The following CSMD1 variants were observed in gnomAD, a reference collection of about 807,000 sequenced individuals.
The protein encoded by CSMD1 is CUB and Sushi multiple domains 1.
CSMD1 carries 213 observed loss-of-function variants against 417.5 expected under a neutral mutation model. That is an observed-to-expected ratio of 0.51 (90% CI 0.46 to 0.57). The LOEUF (loss-of-function observed/expected upper bound fraction) is 0.57, where lower values mean the gene tolerates loss of function less well. Among genes scored for constraint, CSMD1 ranks in the 20% least tolerant of loss-of-function variants. The pLI is 0.00. For missense variants in CSMD1, 6,923 were observed against 4,529.7 expected (o/e 1.53, Z -15.17); for synonymous variants, 2,862 against 1,736.8 (o/e 1.65, Z -16.11).
chr8:4,668,276 T>A (rs781236064), intron 1 of CSMD1, among the ~76,000 whole-genome samples: 1 of 151,962 alleles, frequency 6.6e-6, no homozygotes, highest in Non-Finnish European at 1.5e-5. Flanking sequence ...CTCATCCACG[T>A]TTGTAGGCTT....
chr8:4,093,810 AAG>A (rs1165257339), intron 3 of CSMD1, among the ~76,000 whole-genome samples: 2 of 152,044 alleles, frequency 1.3e-5, no homozygotes, highest in African/African-American at 4.8e-5. Context: ...AAAATACAAA[AAG>A]TAGCTGGGTG....
At chr8:3,588,996 C>T (rs764841311) in intron 8 of CSMD1, among the ~76,000 whole-genome samples, 1 of 152,188 alleles carries the variant, frequency 6.6e-6, no homozygotes, top group Non-Finnish European at 1.5e-5. Flanking sequence ...TGTCACTAAT[C>T]ATCAGGGAAA....
chr8:3,266,754 G>A (rs1426785874), intron 26 of CSMD1, among the ~76,000 whole-genome samples: 7 of 147,522 alleles, frequency 4.7e-5, no homozygotes, highest in East Asian at 2.0e-4. Flanking sequence ...CAGCCTGGGC[G>A]AAAGAGTGAG....
At chr8:3,030,687 G>A (rs577021346) in intron 50 of CSMD1, among the ~76,000 whole-genome samples, 112 of 152,038 alleles carry the variant, frequency 7.4e-4, no homozygotes, top group African/African-American at 2.6e-3. Flanking sequence ...GTTTCACCAC[G>A]TGGGCCAGGC....
chr8:4,357,505 T>A (rs867526619), intron 3 of CSMD1, among the ~76,000 whole-genome samples: 6 of 152,212 alleles, frequency 3.9e-5, no homozygotes, highest in Admixed American at 2.6e-4. Context: ...TTATCCACAG[T>A]TCCTCTGCAC....
At chr8:3,681,462 C>T (rs1441734840) in intron 7 of CSMD1, among the ~76,000 whole-genome samples, 1 of 152,060 alleles carries the variant, frequency 6.6e-6, no homozygotes, top group Non-Finnish European at 1.5e-5. Flanking sequence ...GAATAAAATA[C>T]CTAGGAATCC....
intron 1 of CSMD1, among the ~76,000 whole-genome samples, chr8:4,874,168 GCAT>G (rs1309043888): frequency 1.3e-5 from 2 of 151,976 alleles, no homozygotes; most frequent in Non-Finnish European, 2.9e-5. Context: ...CTTTATACTT[GCAT>G]CATAATGAAT....
chr8:4,745,618 G>C (rs1585033801), intron 1 of CSMD1, among the ~76,000 whole-genome samples: 1 of 152,042 alleles, frequency 6.6e-6, no homozygotes, highest in Admixed American at 6.5e-5. Flanking sequence ...GGGAGAAGTA[G>C]AATGTAGAGA....
chr8:4,456,227 G>C (rs7844515), intron 2 of CSMD1, among the ~76,000 whole-genome samples: 1 of 152,138 alleles, frequency 6.6e-6, no homozygotes, highest in African/African-American at 2.4e-5. Flanking sequence ...AATTGGTTCA[G>C]AAAATATGCT....
rs1491479503 is a variant in CSMD1 at position 3,520,019 on chromosome 8, C to CAT, written c.1345-26294_1345-26293insAT. Among the ~76,000 whole-genome samples the CAT allele has an allele frequency of 2.0e-4, 23 of 114,028 alleles. 1 individual carries two copies. The highest frequency in any genetic ancestry group is 7.7e-4 in the African/African-American group (19 of 24,742). The allele number at this position is 114,028 out of a possible 152,430, so 74.8% of individuals were successfully genotyped here. A position where few individuals can be genotyped will look rare whatever the true frequency, so the allele number is the denominator to read the frequency against. On this transcript the variant is annotated intron_variant, in intron 10 of 69. Transcript: ENST00000635120. ...ATATATATGTGTGTGTGTGTATATA[C>CAT]CTATATATATATATATATATACACG...
intron 1 of CSMD1, among the ~76,000 whole-genome samples, chr8:4,920,688 T>A (rs1290744506): frequency 6.6e-6 from 1 of 151,712 alleles, no homozygotes; most frequent in African/African-American, 2.4e-5. Context: ...CATGCGTGGG[T>A]GGTGCATGTC....
At chr8:3,963,035 C>G (rs950164895) in intron 5 of CSMD1, among the ~76,000 whole-genome samples, 2 of 152,136 alleles carry the variant, frequency 1.3e-5, no homozygotes, top group African/African-American at 4.8e-5. Context: ...CTCCGAGGTT[C>G]AAGCAATTCT....
intron 5 of CSMD1, among the ~76,000 whole-genome samples, chr8:3,859,860 C>T (rs1454667820): frequency 6.6e-6 from 1 of 152,188 alleles, no homozygotes; most frequent in Non-Finnish European, 1.5e-5. Context: ...TGGGTACAGC[C>T]TCAGGCATCT....
intron 3 of CSMD1, among the ~76,000 whole-genome samples, chr8:4,360,764 G>A (rs970353604): frequency 6.6e-5 from 10 of 151,622 alleles, no homozygotes; most frequent in Non-Finnish European, 1.3e-4. Flanking sequence ...AAAGTGCTGG[G>A]ACTACAGGTG....
At chr8:3,440,668 G>C (rs1585168727) in intron 12 of CSMD1, among the ~76,000 whole-genome samples, 1 of 152,110 alleles carries the variant, frequency 6.6e-6, no homozygotes, top group Non-Finnish European at 1.5e-5. Context: ...GAATGGACTT[G>C]AGCTTCCAGC....
In CSMD1 at chr8:4,041,118, G is replaced by C. The variant is rs549648857; in HGVS notation, c.416-9019C>G. Among the ~76,000 whole-genome samples the C allele has an allele frequency of 9.5e-3, 1,386 of 145,232 alleles. 22 individuals are homozygous for C. Among genetic ancestry groups the C allele is most frequent in the African/African-American group, 0.034 (1,323 of 38,802 alleles). On this transcript the variant is annotated intron_variant, in intron 3 of 69. Coordinates refer to ENST00000635120, the MANE Select transcript of CSMD1 (RefSeq NM_033225.6). ...TGCAAGCTCCGCCTCCCGGGTTCCC[G>C]CCATTCTCCTGCCTCAGCCTCCCGA...
At chr8:4,238,792 C>A (rs1408975969) in intron 3 of CSMD1, among the ~76,000 whole-genome samples, 5 of 152,124 alleles carry the variant, frequency 3.3e-5, no homozygotes, top group Admixed American at 1.3e-4. Context: ...AAGACTTAGG[C>A]AGTAACTTTT....
chr8:4,404,036 AT>A, intron 3 of CSMD1, among the ~76,000 whole-genome samples: 1 of 152,284 alleles, frequency 6.6e-6, no homozygotes, highest in East Asian at 1.9e-4. Context: ...GTTAAAATAC[AT>A]CCAGACTTAT....
intron 3 of CSMD1, among the ~76,000 whole-genome samples, chr8:4,302,292 T>C (rs1018905775): frequency 3.9e-5 from 6 of 152,226 alleles, no homozygotes; most frequent in African/African-American, 1.4e-4. Context: ...ATCCTTGGAA[T>C]GGTTTTCCTT....
Sources: gnomAD v4.1 joint callset for allele counts (sites outside exome capture counted in the v4.1 genomes callset) on GRCh38, gnomAD v4.1.1 for gene constraint, MANE v1.5 for transcripts, NCBI Gene and HGNC (gene_info 2026-07-23, HGNC 2026-07-21) for gene names.